The following MRTFA variants were observed in gnomAD, a reference collection of about 807,000 sequenced individuals.
The protein encoded by MRTFA is myocardin related transcription factor A, also known as myocardin-related transcription factor A.
A neutral mutation model predicts 83.5 loss-of-function variants in MRTFA; 20 were observed. The ratio of observed to expected loss-of-function variants is 0.24; its 90% confidence interval spans 0.17 to 0.35. MRTFA has a LOEUF of 0.35. Among genes scored for constraint, MRTFA ranks in the 10% least tolerant of loss-of-function variants. The pLI is 1.00. For synonymous variants in MRTFA, 659 were observed against 541.2 expected (o/e 1.22, Z -3.02); for missense variants, 1,200 against 1,224.7 (o/e 0.98, Z 0.30).
intron 12 of MRTFA, 161 bp from the exon 13 acceptor site, chr22:40,417,654 T>G: frequency 1.7e-6 from 1 of 593,922 alleles, no homozygotes; most frequent in South Asian, 2.0e-5. Context: ...AGCCACTAGG[T>G]AGGAAGGAAT....
chr22:40,549,485 C>T (rs1373923822), intron 3 of MRTFA, among the ~76,000 whole-genome samples: 1 of 152,134 alleles, frequency 6.6e-6, no homozygotes, highest in African/African-American at 2.4e-5. Flanking sequence ...CTGTATGACT[C>T]CATTTTTATA....
intron 3 of MRTFA, among the ~76,000 whole-genome samples, chr22:40,480,274 A>T (rs1032975046): frequency 3.4e-5 from 5 of 145,048 alleles, no homozygotes; most frequent in East Asian, 2.0e-4. Context: ...CTGTATGTTT[A>T]TTTTTTTTTT....
chr22:40,542,400 G>A (rs1156524335), intron 3 of MRTFA, among the ~76,000 whole-genome samples: 1 of 152,120 alleles, frequency 6.6e-6, no homozygotes, highest in Non-Finnish European at 1.5e-5. Flanking sequence ...ACCAAAGTTT[G>A]TAACCATGAA....
At chr22:40,547,158 A>C (rs1439677059) in intron 3 of MRTFA, among the ~76,000 whole-genome samples, 3 of 151,862 alleles carry the variant, frequency 2.0e-5, no homozygotes, top group Admixed American at 6.6e-5. Flanking sequence ...CCATCTCAAA[A>C]AATATATATA....
At chr22:40,556,047 T>C (rs118067986) in intron 2 of MRTFA, among the ~76,000 whole-genome samples, 3,633 of 152,192 alleles carry the variant, frequency 0.024, 55 homozygotes, top group Non-Finnish European at 0.035. Context: ...TAAAATATTA[T>C]ACAAAGAAAA....
intron 3 of MRTFA, among the ~76,000 whole-genome samples, chr22:40,467,078 G>T (rs2053823202): frequency 6.6e-6 from 1 of 152,084 alleles, no homozygotes; most frequent in Non-Finnish European, 1.5e-5. Context: ...TTAAAGTTCA[G>T]TTATCTGAAA....
intron 9 of MRTFA, among the ~76,000 whole-genome samples, chr22:40,421,328 C>T (rs2052834626): frequency 6.6e-6 from 1 of 152,124 alleles, no homozygotes; most frequent in African/African-American, 2.4e-5. Flanking sequence ...GCCTGACCCC[C>T]GACTTAAAAG....
intron 1 of MRTFA, among the ~76,000 whole-genome samples, chr22:40,596,145 T>G (rs1311857433): frequency 6.6e-6 from 1 of 152,000 alleles, no homozygotes; most frequent in Non-Finnish European, 1.5e-5. Flanking sequence ...CTACCTAGAA[T>G]GTTCTCTTTT....
At chr22:40,476,321 ATGTCTC>A (rs780321924) in intron 3 of MRTFA, among the ~76,000 whole-genome samples, 12 of 152,120 alleles carry the variant, frequency 7.9e-5, no homozygotes, top group Non-Finnish European at 1.5e-4. Context: ...GAGAAGACAG[ATGTCTC>A]TGTGTTCCCT....
At chr22:40,635,918 G>C (rs1179544975) in intron 1 of MRTFA, among the ~76,000 whole-genome samples, 1 of 152,300 alleles carries the variant, frequency 6.6e-6, no homozygotes. Context: ...CCCGAAGCGG[G>C]GAGGGTGGAC....
chr22:40,442,508 T>C (rs929410219), intron 4 of MRTFA, among the ~76,000 whole-genome samples: 1 of 152,138 alleles, frequency 6.6e-6, no homozygotes, highest in African/African-American at 2.4e-5. Flanking sequence ...TAGAAATATT[T>C]CCATCCATCC....
intron 2 of MRTFA, among the ~76,000 whole-genome samples, chr22:40,584,309 A>G (rs2055992268): frequency 6.6e-6 from 1 of 152,238 alleles, no homozygotes. Flanking sequence ...CAAAGCCAGG[A>G]AAACCCAGAC....
intron 4 of MRTFA, among the ~76,000 whole-genome samples, chr22:40,449,287 A>G (rs865888587): frequency 1.9e-4 from 29 of 151,714 alleles, no homozygotes; most frequent in East Asian, 3.9e-4. Context: ...AAAAAAAAAA[A>G]AAAAGAAAAG....
chr22:40,414,561 T>C (rs2052635780), intron 14 of MRTFA, among the ~76,000 whole-genome samples: 1 of 152,174 alleles, frequency 6.6e-6, no homozygotes, highest in Non-Finnish European at 1.5e-5. Flanking sequence ...AGTGAAATTC[T>C]GACACATGCT....
chr22:40,482,477 G>C (rs977203433), intron 3 of MRTFA, among the ~76,000 whole-genome samples: 5 of 152,052 alleles, frequency 3.3e-5, no homozygotes, highest in Non-Finnish European at 4.4e-5. Context: ...CTTTCCTGAG[G>C]ATCTATAAAG....
chr22:40,608,880 G>A (rs2056351011), intron 1 of MRTFA, among the ~76,000 whole-genome samples: 1 of 152,262 alleles, frequency 6.6e-6, no homozygotes, highest in Admixed American at 6.5e-5. Context: ...CCTTATATAT[G>A]AAAATACTAA....
intron 10 of MRTFA, 38 bp downstream of exon 10, chr22:40,420,809 G>A (rs1234146759): frequency 6.2e-7 from 1 of 1,609,642 alleles, no homozygotes; most frequent in Admixed American, 1.7e-5. Context: ...GGGTGGCTCG[G>A]GGAGGGCAGG....
At chr22:40,592,341 C>T (rs897942580) in intron 2 of MRTFA, among the ~76,000 whole-genome samples, 2 of 151,178 alleles carry the variant, frequency 1.3e-5, no homozygotes, top group African/African-American at 4.9e-5. Flanking sequence ...CTAGCTACTC[C>T]GGAGGCTGAG....
At chr22:40,555,945 A>G (rs1429605139) in intron 2 of MRTFA, among the ~76,000 whole-genome samples, 1 of 152,114 alleles carries the variant, frequency 6.6e-6, no homozygotes, top group Non-Finnish European at 1.5e-5. Context: ...AGCCCTAAGA[A>G]TAATTTTTAT....
Sources: allele counts gnomAD v4.1 joint callset (sites outside exome capture counted in the v4.1 genomes callset), GRCh38; gene constraint gnomAD v4.1.1; transcripts MANE v1.5; gene names NCBI Gene and HGNC (gene_info 2026-07-23, HGNC 2026-07-21).